Variants in PLCL1 observed in about 807,000 individuals in gnomAD.
PLCL1 encodes inactive phospholipase C-like protein 1.
Under a neutral mutation model 84.4 loss-of-function variants are expected in PLCL1, and 41 were observed. The observed-to-expected ratio is 0.49, with a 90% CI of 0.38 to 0.63. The LOEUF (loss-of-function observed/expected upper bound fraction) is 0.63, where lower values mean the gene tolerates loss of function less well. Among genes scored for constraint, PLCL1 ranks in the 30% least tolerant of loss-of-function variants. The pLI, the probability that PLCL1 is intolerant of heterozygous loss-of-function variation, is 0.00. For synonymous variants in PLCL1, 490 were observed against 488.3 expected, an observed-to-expected ratio of 1.00 and a Z score of -0.05; for missense variants, 1,206 against 1,367.8, an observed-to-expected ratio of 0.88 and a Z score of 1.87.
intron 1 of PLCL1, among the ~76,000 whole-genome samples, chr2:198,054,288 A>G (rs990254987): frequency 3.9e-5 from 6 of 152,254 alleles, no homozygotes; most frequent in Middle Eastern, 3.2e-3. Context: ...CAGAAAATCA[A>G]TAAGTGTTGG....
At chr2:198,044,633 G>T (rs1166079901) in intron 1 of PLCL1, among the ~76,000 whole-genome samples, 1 of 152,122 alleles carries the variant, frequency 6.6e-6, no homozygotes, top group East Asian at 1.9e-4. Context: ...GATTAATTTA[G>T]TAAGACTTTA....
At chr2:197,961,804 T>C (rs1188767907) in intron 1 of PLCL1, among the ~76,000 whole-genome samples, 1 of 152,034 alleles carries the variant, frequency 6.6e-6, no homozygotes, top group East Asian at 1.9e-4. Flanking sequence ...ATAATGGTGC[T>C]TTCTCCTGGA....
chr2:197,911,130 C>T (rs1344966419), intron 1 of PLCL1, among the ~76,000 whole-genome samples: 1 of 152,010 alleles, frequency 6.6e-6, no homozygotes, highest in African/African-American at 2.4e-5. Context: ...ATCACTTGAG[C>T]TCACAAGTTT....
At chr2:198,036,049 T>G (rs1485339412) in intron 1 of PLCL1, among the ~76,000 whole-genome samples, 1 of 152,098 alleles carries the variant, frequency 6.6e-6, no homozygotes, top group Non-Finnish European at 1.5e-5. Context: ...AAATAAAAAA[T>G]GTATGTAGTA....
chr2:197,884,365 T>G (rs565037300), intron 1 of PLCL1, among the ~76,000 whole-genome samples: 259 of 152,344 alleles, frequency 1.7e-3, no homozygotes, highest in Non-Finnish European at 3.1e-3. Flanking sequence ...AGTTGAGTTC[T>G]CTCTCTTTTA....
intron 5 of PLCL1, among the ~76,000 whole-genome samples, chr2:198,135,987 G>A (rs1191056404): frequency 2.0e-5 from 3 of 152,172 alleles, no homozygotes; most frequent in Non-Finnish European, 2.9e-5. Flanking sequence ...ATCCCCCAAG[G>A]AAAGTTGCCA....
intron 1 of PLCL1, among the ~76,000 whole-genome samples, chr2:197,897,111 CTTCTTCTT>C (rs1688152786): frequency 2.8e-5 from 1 of 35,646 alleles, no homozygotes; most frequent in South Asian, 1.1e-3. Context: ...TCTTCTTCTT[CTTCTTCTT>C]CTTCTTCTTC....
intron 1 of PLCL1, among the ~76,000 whole-genome samples, chr2:197,949,877 T>G (rs1689355089): frequency 6.6e-6 from 1 of 152,220 alleles, no homozygotes; most frequent in Non-Finnish European, 1.5e-5. Flanking sequence ...GTGGGATTTA[T>G]GAGTGGGGAA....
At chr2:197,923,965 G>C (rs1016233910) in intron 1 of PLCL1, among the ~76,000 whole-genome samples, 4 of 151,736 alleles carry the variant, frequency 2.6e-5, no homozygotes, top group Admixed American at 6.6e-5. Context: ...AGACCGGCCC[G>C]GCCAACACAG....
chr2:197,956,333 G>T (rs1374439707), intron 1 of PLCL1, among the ~76,000 whole-genome samples: 1 of 152,072 alleles, frequency 6.6e-6, no homozygotes, highest in African/African-American at 2.4e-5. Flanking sequence ...ATGGGCATTT[G>T]GGTTGGTTCC....
intron 5 of PLCL1, 127 bp downstream of exon 5, chr2:198,104,063 G>A: frequency 2.0e-6 from 1 of 493,744 alleles, no homozygotes; most frequent in Non-Finnish European, 3.6e-6. Flanking sequence ...TAGATTCAGG[G>A]TTACATGTGC....
chr2:198,143,079 C>T (rs1694426417), intron 5 of PLCL1, among the ~76,000 whole-genome samples: 1 of 152,150 alleles, frequency 6.6e-6, no homozygotes, highest in Admixed American at 6.6e-5. Flanking sequence ...GATTAAAACA[C>T]TTTCTTAAGA....
chr2:197,954,128 A>G (rs1327993333), intron 1 of PLCL1, among the ~76,000 whole-genome samples: 2 of 152,126 alleles, frequency 1.3e-5, no homozygotes, highest in Non-Finnish European at 2.9e-5. Flanking sequence ...AGCTCATGAG[A>G]GACAATATGG....
At position 197,924,149 on chromosome 2, in the gene PLCL1, G is replaced by A. The variant is rs1336713828; in HGVS notation, c.240+118810G>A. Among the ~76,000 whole-genome samples, 8 of 125,520 alleles carry A rather than the reference G, an allele frequency of 6.4e-5. No individual in the cohort carries two copies. In the East Asian group the frequency reaches 1.9e-3, roughly 30 times the overall value. The allele number at this position is 125,520 out of a possible 152,430, so 82.3% of individuals were successfully genotyped here. On this transcript the variant is annotated intron_variant, in intron 1 of 5. Coordinates refer to ENST00000428675, the MANE Select transcript of PLCL1 (RefSeq NM_006226.4). ...GAGGGAGACCGTGGGGAGAGGGAGA[G>A]GGAGAGGGAGAGGGAGAGGGAGAGG... is the stretch of plus-strand genomic sequence containing the variant.
chr2:197,886,596 G>GA (rs201949328), intron 1 of PLCL1, among the ~76,000 whole-genome samples: 8 of 151,266 alleles, frequency 5.3e-5, no homozygotes, highest in Non-Finnish European at 8.8e-5. Flanking sequence ...AAGGTTTGTG[G>GA]AAAAAAAAAT....
At chr2:198,053,052 A>C (rs1269792458) in intron 1 of PLCL1, among the ~76,000 whole-genome samples, 1 of 152,236 alleles carries the variant, frequency 6.6e-6, no homozygotes, top group Non-Finnish European at 1.5e-5. Context: ...AGAGACCTTC[A>C]AGTTCTAGCC....
In PLCL1 at chr2:198,146,881, C is replaced by T; in HGVS notation, c.3207C>T (p.Ser1069=). 4 of 1,613,518 alleles carry T rather than the reference C, an allele frequency of 2.5e-6. No homozygotes were observed. The highest frequency in any genetic ancestry group is 8.5e-7 in the Non-Finnish European group (1 of 1,179,658). ...CLSCGLSKAP[S]SSAEAKSKRS... is the part of the protein sequence containing the mutation. Reference sequence around the variant, plus strand: ...CCTGTGGACTGAGTAAAGCCCCCAGCAGCAGTGCTGAGGCCAAGAGCAAGC... The same window carrying T: ...CCTGTGGACTGAGTAAAGCCCCCAGTAGCAGTGCTGAGGCCAAGAGCAAGC... The change falls in exon 6 of 6, where the codon AGC becomes AGT. Residue 1069 remains serine, a synonymous_variant. Transcript: ENST00000428675.
At chr2:197,925,541 A>G (rs983796194) in intron 1 of PLCL1, among the ~76,000 whole-genome samples, 2 of 152,208 alleles carry the variant, frequency 1.3e-5, no homozygotes, top group Non-Finnish European at 2.9e-5. Context: ...GACAGTGAGA[A>G]TGCAAGACTA....
At chr2:198,010,798 G>A (rs959033816) in intron 1 of PLCL1, among the ~76,000 whole-genome samples, 1 of 150,130 alleles carries the variant, frequency 6.7e-6, no homozygotes, top group African/African-American at 2.5e-5. Context: ...CTTTTGGAAG[G>A]TTATTTTTTT....
Sources: gnomAD v4.1 joint callset for allele counts (sites outside exome capture counted in the v4.1 genomes callset) on GRCh38, gnomAD v4.1.1 for gene constraint, MANE v1.5 for transcripts, NCBI Gene and HGNC (gene_info 2026-07-23, HGNC 2026-07-21) for gene names.